GPATCH2L: variants seen among roughly 807,000 people sequenced by gnomAD.
GPATCH2L encodes G patch domain-containing protein 2-like.
GPATCH2L carries 31 observed loss-of-function variants against 57.4 expected under a neutral mutation model. The observed-to-expected ratio is 0.54, with a 90% CI of 0.41 to 0.73. The LOEUF (loss-of-function observed/expected upper bound fraction) is 0.73, where lower values mean the gene tolerates loss of function less well. GPATCH2L is among the 30% of genes least tolerant of loss of function. The pLI is 0.00. For synonymous variants in GPATCH2L, 199 were observed against 210.7 expected (o/e 0.94, Z 0.48); for missense variants, 481 against 599.9 (o/e 0.80, Z 2.07).
At chr14:76,180,514 G>A (rs956533966) in intron 7 of GPATCH2L, among the ~76,000 whole-genome samples, 2 of 152,110 alleles carry the variant, frequency 1.3e-5, no homozygotes, top group African/African-American at 4.8e-5. Context: ...AGTGACTATT[G>A]TATGTCAGAA....
At chr14:76,183,600 A>G (rs1050266895) in intron 8 of GPATCH2L, among the ~76,000 whole-genome samples, 5 of 152,196 alleles carry the variant, frequency 3.3e-5, no homozygotes, top group African/African-American at 4.8e-5. Context: ...GTGCACCTCA[A>G]TAAAGCTTGG....
At chr14:76,231,913 A>T (rs996523034) in intron 2 of GPATCH2L, among the ~76,000 whole-genome samples, 4 of 6,736 alleles carry the variant, frequency 5.9e-4, no homozygotes, top group Admixed American at 6.9e-3. Context: ...TATATATATA[A>T]AACAGGGTCT....
intron 2 of GPATCH2L, among the ~76,000 whole-genome samples, chr14:76,162,285 T>C (rs1043346772): frequency 9.9e-5 from 15 of 152,214 alleles, no homozygotes; most frequent in Non-Finnish European, 1.5e-4. Context: ...CTCAGTCCCT[T>C]TTCACATGGG....
rs554800647 is a variant in GPATCH2L, at chr14:76,207,072, T to C, written c.*5221T>C. 1 of 152,372 alleles carries C rather than the reference T, an allele frequency of 6.6e-6. No individual in the cohort carries two copies. Among genetic ancestry groups the C allele is most frequent in the East Asian group, 1.9e-4 (1 of 5,184 alleles). The allele number at this position is 152,372 out of a possible 1,614,324, so 9.4% of individuals were successfully genotyped here. A position where few individuals can be genotyped will look rare whatever the true frequency, so the allele number is the denominator to read the frequency against. Reference sequence around the variant, plus strand: ...ACTCACGCCCATAATCCCAACACTTTGGGAGGCCAGGGCGGGAGGATTGCT... The same window carrying C: ...ACTCACGCCCATAATCCCAACACTTCGGGAGGCCAGGGCGGGAGGATTGCT... On this transcript the variant is annotated 3_prime_UTR_variant, in exon 10 of 10. Coordinates refer to ENST00000261530, the MANE Select transcript of GPATCH2L (RefSeq NM_017926.4).
intron 2 of GPATCH2L, among the ~76,000 whole-genome samples, chr14:76,161,992 C>T (rs539078697): frequency 3.3e-5 from 5 of 152,186 alleles, no homozygotes; most frequent in African/African-American, 7.2e-5. Flanking sequence ...GCCGAGATCG[C>T]GTCACTGCAC....
chr14:76,166,016 G>A (rs945066863), intron 2 of GPATCH2L, among the ~76,000 whole-genome samples: 1 of 152,334 alleles, frequency 6.6e-6, no homozygotes, highest in East Asian at 1.9e-4. Context: ...TCAACTGTGA[G>A]CAATAGCTCA....
chr14:76,177,528 G>A (rs1290554806), intron 6 of GPATCH2L, among the ~76,000 whole-genome samples: 6 of 151,318 alleles, frequency 4.0e-5, no homozygotes, highest in African/African-American at 1.5e-4. Flanking sequence ...ATCCAACTCG[G>A]GCTAATTTTA....
intron 1 of GPATCH2L, among the ~76,000 whole-genome samples, chr14:76,219,608 G>T (rs911022722): frequency 6.6e-6 from 1 of 152,154 alleles, no homozygotes; most frequent in African/African-American, 2.4e-5. Context: ...TGTATAGAAA[G>T]ATGAATCTCT....
chr14:76,201,861 C>A lies in GPATCH2L; in HGVS notation c.*10C>A. ...CCCTGGATACAGCTAGAGAGCAGGA[C>A]TTCACCCTCCAGGAGCTGACTGGGT... is the stretch of plus-strand genomic sequence containing the variant. On this transcript the variant is annotated 3_prime_UTR_variant, in exon 10 of 10. Coordinates refer to ENST00000261530, the MANE Select transcript of GPATCH2L (RefSeq NM_017926.4). 1 of 1,610,920 alleles carries A rather than the reference C, an allele frequency of 6.2e-7. No homozygotes were observed. Among genetic ancestry groups the A allele is most frequent in the Non-Finnish European group, 8.5e-7 (1 of 1,178,446 alleles).
intron 3 of GPATCH2L, among the ~76,000 whole-genome samples, chr14:76,167,980 G>A (rs757458825): frequency 2.0e-5 from 3 of 152,090 alleles, no homozygotes; most frequent in East Asian, 1.9e-4. Flanking sequence ...TTAGATTTTC[G>A]GGCCTTTGGA....
At chr14:76,185,493 C>A (rs572673200) in intron 8 of GPATCH2L, among the ~76,000 whole-genome samples, 1 of 152,136 alleles carries the variant, frequency 6.6e-6, no homozygotes, top group African/African-American at 2.4e-5. Flanking sequence ...TTGCTACATA[C>A]AGGTCAGTTG....
intron 3 of GPATCH2L, among the ~76,000 whole-genome samples, chr14:76,171,127 G>A (rs1430459545): frequency 2.6e-5 from 4 of 152,110 alleles, no homozygotes; most frequent in Admixed American, 2.0e-4. Context: ...GAATCAAGAA[G>A]GACCAGAACA....
rs2040535108 is a variant in GPATCH2L, at chr14:76,226,019, T to C, written c.66-3789T>C. Among the ~76,000 whole-genome samples, 5 of 152,310 alleles carry C rather than the reference T, an allele frequency of 3.3e-5. 1 individual carries two copies. The South Asian group carries it at 1.0e-3, about 32-fold the overall frequency. ...TCATAAACTACTGTCAGGGAGTAAATTCGTACAACCACTTTAGAAAGTTAT... is the reference window on the plus strand; with the variant it reads ...TCATAAACTACTGTCAGGGAGTAAACTCGTACAACCACTTTAGAAAGTTAT... On this transcript the variant is annotated intron_variant and NMD_transcript_variant, in intron 1 of 3. Coordinates refer to the GPATCH2L transcript ENST00000556372.
chr14:76,202,148 G>C lies in GPATCH2L; in HGVS notation c.*297G>C, dbSNP rs2139828349. On this transcript the variant is annotated 3_prime_UTR_variant, in exon 10 of 10. Coordinates refer to ENST00000261530, the MANE Select transcript of GPATCH2L (RefSeq NM_017926.4). ...TTACTACAGCTCCATTTACAGAACT[G>C]TTGCTTTTTTGCAGTTGTCTTTGTT... 4.6e-6 allele frequency: 1 copy of C among 219,092 alleles called. No individual in the cohort carries two copies. Among genetic ancestry groups the C allele is most frequent in the Non-Finnish European group, 8.9e-6 (1 of 112,544 alleles). 13.6% of individuals were successfully genotyped at this position (219,092 alleles called of 1,614,324 possible). A position where few individuals can be genotyped will look rare whatever the true frequency, so the allele number is the denominator to read the frequency against.
At chr14:76,169,767 G>C (rs1245446515) in intron 3 of GPATCH2L, among the ~76,000 whole-genome samples, 2 of 152,352 alleles carry the variant, frequency 1.3e-5, no homozygotes, top group East Asian at 3.9e-4. Context: ...CCTAAGGAAT[G>C]CTTATGAATA....
chr14:76,224,589 G>A (rs1276938824), intron 1 of GPATCH2L, among the ~76,000 whole-genome samples: 4 of 152,060 alleles, frequency 2.6e-5, no homozygotes, highest in Admixed American at 2.0e-4. Context: ...AAATATCATA[G>A]TTAATAGTGA....
chr14:76,154,958 A>G lies in GPATCH2L; in HGVS notation c.595A>G (p.Arg199Gly), dbSNP rs755638035. 6.2e-7 allele frequency: 1 copy of G among 1,614,004 alleles called. No individual in the cohort carries two copies. The highest frequency in any genetic ancestry group is 1.1e-5 in the South Asian group (1 of 91,092). ...TAGGACTTTCCTAAGCAAAACAGGA[A>G]GGAAAGAAAGGATGGAGTGTGAAAC... ...ENRTFLSKTG[R>G]KERMECETDE... The change falls in exon 2 of 10, where the codon AGG becomes GGG. Residue 199 changes from arginine to glycine, a missense_variant. Physicochemically the swap from Arg to Gly is moderately radical, Grantham distance 125. Coordinates refer to ENST00000261530, the MANE Select transcript of GPATCH2L (RefSeq NM_017926.4). The surrounding 1 kb of genome is among the most constrained non-coding windows in gnomAD (Gnocchi z 4.4).
rs2040434174 is a variant in GPATCH2L at position 76,210,996 on chromosome 14, C to G, written c.*9145C>G. The G allele has an allele frequency of 6.6e-6, 1 of 152,056 alleles. No homozygotes were observed. The highest frequency in any genetic ancestry group is 2.4e-5 in the African/African-American group (1 of 41,380). 9.4% of individuals were successfully genotyped at this position (152,056 alleles called of 1,614,324 possible). ...ACAATGTAGAATGAAATAAGAATGACAGGGTATTTTGGCAGCAAGGAGGAG... is the reference window on the plus strand; with the variant it reads ...ACAATGTAGAATGAAATAAGAATGAGAGGGTATTTTGGCAGCAAGGAGGAG... On this transcript the variant is annotated 3_prime_UTR_variant, in exon 10 of 10. Transcript: ENST00000261530.
Position 76,212,400 on chromosome 14 carries a change from G to A in GPATCH2L, c.*10549G>A, listed in dbSNP as rs764726638. On this transcript the variant is annotated 3_prime_UTR_variant, in exon 10 of 10. Coordinates refer to ENST00000261530, the MANE Select transcript of GPATCH2L (RefSeq NM_017926.4). Reference sequence around the variant, plus strand: ...AGGTTGAACTTAGGGAAAAGGAACCGGAAAAAAAAAAACCAAAAAAAACCA... The same window carrying A: ...AGGTTGAACTTAGGGAAAAGGAACCAGAAAAAAAAAAACCAAAAAAAACCA... 3 of 150,560 alleles carry A rather than the reference G, an allele frequency of 2.0e-5. No individual in the cohort carries two copies. The highest frequency in any genetic ancestry group is 6.6e-5 in the Admixed American group (1 of 15,112). The allele number at this position is 150,560 out of a possible 1,614,324, so 9.3% of individuals were successfully genotyped here.
Sources: gnomAD v4.1 joint callset for allele counts (sites outside exome capture counted in the v4.1 genomes callset) on GRCh38, gnomAD v4.1.1 for gene constraint, Gnocchi (gnomAD v3.1) non-coding constraint, MANE v1.5 for transcripts, NCBI Gene and HGNC (gene_info 2026-07-23, HGNC 2026-07-21) for gene names.